Variants in ARHGAP15 observed in about 807,000 individuals in gnomAD.
ARHGAP15 encodes rho GTPase-activating protein 15.
A neutral mutation model predicts 63.7 loss-of-function variants in ARHGAP15; 51 were observed. The ratio of observed to expected loss-of-function variants is 0.80; its 90% CI spans 0.64 to 1.01. The LOEUF (loss-of-function observed/expected upper bound fraction) is 1.01. ARHGAP15 is among the 50% of genes least tolerant of loss of function. ARHGAP15 has a pLI of 0.00. For synonymous variants in ARHGAP15, 191 were observed against 193.8 expected (o/e 0.99, Z 0.12); for missense variants, 560 against 564.6 (o/e 0.99, Z 0.08).
At position 143,181,925 on chromosome 2, in the gene ARHGAP15, C is replaced by G. The variant is rs550474065; in HGVS notation, c.166-20209C>G. 8.7e-4 allele frequency among the ~76,000 whole-genome samples: 130 copies of G among 148,708 alleles called. 1 individual carries two copies. The highest frequency in any genetic ancestry group is 2.4e-3 in the Admixed American group (35 of 14,528). ...TTTTTGACATGCTTTCCTCACTAAACTTAATAATTTCTAGCTTTTGATTTT... is the reference window on the plus strand; with the variant it reads ...TTTTTGACATGCTTTCCTCACTAAAGTTAATAATTTCTAGCTTTTGATTTT... On this transcript the variant is annotated intron_variant, in intron 2 of 13. Transcript: ENST00000295095.
At chr2:143,195,956 G>A (rs954667723) in intron 2 of ARHGAP15, among the ~76,000 whole-genome samples, 1 of 151,862 alleles carries the variant, frequency 6.6e-6, no homozygotes, top group Non-Finnish European at 1.5e-5. Flanking sequence ...CCACCCATCA[G>A]TTTCATATCC....
intron 13 of ARHGAP15, among the ~76,000 whole-genome samples, chr2:143,753,872 C>G (rs980670906): frequency 6.6e-6 from 1 of 152,162 alleles, no homozygotes; most frequent in African/African-American, 2.4e-5. Context: ...GAAGGAAAGA[C>G]ACACTGAACA....
At chr2:143,615,923 A>G (rs1698435419) in intron 11 of ARHGAP15, among the ~76,000 whole-genome samples, 1 of 152,214 alleles carries the variant, frequency 6.6e-6, no homozygotes, top group African/African-American at 2.4e-5. Context: ...GAGTACAAAA[A>G]GCCTTTGACT....
chr2:143,196,212 A>G (rs1380178300), intron 2 of ARHGAP15, among the ~76,000 whole-genome samples: 1 of 152,088 alleles, frequency 6.6e-6, no homozygotes, highest in African/African-American at 2.4e-5. Context: ...CAGAAGTAGA[A>G]AGGGAGAGAG....
At chr2:143,393,725 C>CT (rs1424248516) in intron 6 of ARHGAP15, among the ~76,000 whole-genome samples, 2 of 42,082 alleles carry the variant, frequency 4.8e-5, no homozygotes, top group South Asian at 1.2e-3. Flanking sequence ...GAGACTCTGT[C>CT]TAAAAAAAAA....
At chr2:143,576,754 T>C (rs181906035) in intron 11 of ARHGAP15, among the ~76,000 whole-genome samples, 183 of 152,228 alleles carry the variant, frequency 1.2e-3, no homozygotes, top group African/African-American at 4.3e-3. Context: ...ACATTTTACT[T>C]AACAATTTTA....
intron 6 of ARHGAP15, among the ~76,000 whole-genome samples, chr2:143,375,502 C>T (rs775828877): frequency 2.0e-5 from 3 of 152,154 alleles, no homozygotes; most frequent in Non-Finnish European, 4.4e-5. Context: ...CTCTCTTGCA[C>T]ATGTGGAATG....
chr2:143,448,264 G>T (rs536300912), intron 8 of ARHGAP15, among the ~76,000 whole-genome samples: 1 of 152,096 alleles, frequency 6.6e-6, no homozygotes, highest in South Asian at 2.1e-4. Flanking sequence ...TTGGCAAAGG[G>T]TCTCTCACGG....
At chr2:143,500,276 G>A (rs1692997368) in intron 9 of ARHGAP15, among the ~76,000 whole-genome samples, 2 of 150,242 alleles carry the variant, frequency 1.3e-5, no homozygotes, top group Admixed American at 1.3e-4. Flanking sequence ...ATTTATATAT[G>A]AAGAACTTTA....
In ARHGAP15 at chr2:143,411,245, A is replaced by ATTAT. The variant is rs1553476192; in HGVS notation, c.475-24353_475-24352insTTTA. Among the ~76,000 whole-genome samples, 11 of 3,438 alleles carry ATTAT rather than the reference A, an allele frequency of 3.2e-3. No individual in the cohort carries two copies. The South Asian group carries it at 0.14, about 45-fold the overall frequency. The allele number at this position is 3,438 out of a possible 152,430, so 2.3% of individuals were successfully genotyped here. A position where few individuals can be genotyped will look rare whatever the true frequency, so the allele number is the denominator to read the frequency against. ...AAGAAAATATAGTAGGAAAGGGTAC[A>ATTAT]TTAAGATACTTATAAAACTATATAT... On this transcript the variant is annotated intron_variant, in intron 6 of 13. Coordinates refer to ENST00000295095, the MANE Select transcript of ARHGAP15 (RefSeq NM_018460.4).
Position 143,437,051 on chromosome 2 carries a change from T to A in ARHGAP15, c.703+9T>A. The A allele has an allele frequency of 6.3e-7, 1 of 1,587,750 alleles. No individual in the cohort carries two copies. The highest frequency in any genetic ancestry group is 1.2e-5 in the South Asian group (1 of 85,702). On this transcript the variant is annotated intron_variant, in intron 8 of 13. Transcript: ENST00000295095. The stretch of plus-strand genomic sequence containing the variant: ...GCACAGAAAATCTTTAAGTGAGTAT[T>A]TTCTTTGACTTGCTCATTTTAAGTT...
chr2:143,166,647 C>A (rs974079558), intron 2 of ARHGAP15, among the ~76,000 whole-genome samples: 1 of 152,106 alleles, frequency 6.6e-6, no homozygotes, highest in Non-Finnish European at 1.5e-5. Context: ...ACCACAAATA[C>A]TTTACACTAT....
At chr2:143,568,254 T>C (rs375718830) in intron 11 of ARHGAP15, among the ~76,000 whole-genome samples, 190 of 151,932 alleles carry the variant, frequency 1.3e-3, no homozygotes, top group African/African-American at 4.1e-3. Flanking sequence ...TGGGAGAAAA[T>C]TTTTGCAATC....
chr2:143,184,253 T>C (rs1046128307), intron 2 of ARHGAP15, among the ~76,000 whole-genome samples: 3 of 152,198 alleles, frequency 2.0e-5, no homozygotes, highest in African/African-American at 7.2e-5. Flanking sequence ...TACTGTATAA[T>C]ATGACCTCAA....
At chr2:143,260,868 C>T (rs971165774) in intron 6 of ARHGAP15, among the ~76,000 whole-genome samples, 3 of 152,106 alleles carry the variant, frequency 2.0e-5, no homozygotes, top group Non-Finnish European at 4.4e-5. Flanking sequence ...GTTCTCCATT[C>T]TACTCACATT....
At chr2:143,520,241 A>G (rs939136398) in intron 10 of ARHGAP15, among the ~76,000 whole-genome samples, 1 of 152,148 alleles carries the variant, frequency 6.6e-6, no homozygotes, top group Admixed American at 6.6e-5. Flanking sequence ...AATAGAACCA[A>G]GGGGAAAAAA....
intron 9 of ARHGAP15, among the ~76,000 whole-genome samples, chr2:143,512,111 G>A (rs560232224): frequency 2.0e-5 from 3 of 152,302 alleles, no homozygotes; most frequent in Non-Finnish European, 4.4e-5. Context: ...CTGGATCTAG[G>A]AGTTCAAAAT....
chr2:143,201,566 A>G (rs761798727), intron 2 of ARHGAP15, among the ~76,000 whole-genome samples: 1 of 152,070 alleles, frequency 6.6e-6, no homozygotes, highest in Non-Finnish European at 1.5e-5. Context: ...AGGGAATAGA[A>G]TGATGATTAC....
At chr2:143,303,029 T>G (rs1387857327) in intron 6 of ARHGAP15, among the ~76,000 whole-genome samples, 3 of 152,098 alleles carry the variant, frequency 2.0e-5, no homozygotes, top group Admixed American at 2.0e-4. Flanking sequence ...AATTAAAGAC[T>G]TAAATGTAAG....
Sources: allele counts gnomAD v4.1 joint callset (sites outside exome capture counted in the v4.1 genomes callset), GRCh38; gene constraint gnomAD v4.1.1; transcripts MANE v1.5; gene names NCBI Gene and HGNC (gene_info 2026-07-23, HGNC 2026-07-21).